Variants in CTNND2 observed in about 807,000 individuals in gnomAD.
CTNND2 encodes catenin delta-2.
Under a neutral mutation model 144.4 loss-of-function variants are expected in CTNND2, and 22 were observed. The observed-to-expected ratio is 0.15, with a 90% CI of 0.11 to 0.22. The LOEUF (loss-of-function observed/expected upper bound fraction) is 0.22, where lower values mean the gene tolerates loss of function less well. Ranked by LOEUF, CTNND2 falls within the 10% of genes least tolerant of loss-of-function variation. CTNND2 has a pLI of 1.00. For missense variants in CTNND2, 1,353 were observed against 1,618.8 expected (o/e 0.84, Z 2.82); for synonymous variants, 751 against 695.6 (o/e 1.08, Z -1.25).
chr5:10,989,401 C>T (rs1211121385), intron 19 of CTNND2, among the ~76,000 whole-genome samples: 2 of 152,204 alleles, frequency 1.3e-5, no homozygotes, highest in Non-Finnish European at 2.9e-5. Flanking sequence ...CAGAGCCCAT[C>T]CTGGACCTTT....
At chr5:11,084,035 A>G in intron 15 of CTNND2, 1 of 804,560 alleles carries the variant, frequency 1.2e-6, no homozygotes, top group Non-Finnish European at 1.5e-6. Context: ...TCTTATCACC[A>G]TCAACCCACA....
At chr5:11,610,707 C>A (rs1780275592) in intron 2 of CTNND2, among the ~76,000 whole-genome samples, 1 of 152,158 alleles carries the variant, frequency 6.6e-6, no homozygotes, top group African/African-American at 2.4e-5. Flanking sequence ...CCAGAGAGTT[C>A]TATTTATCTC....
intron 9 of CTNND2, among the ~76,000 whole-genome samples, chr5:11,342,743 C>T (rs973610558): frequency 7.9e-5 from 12 of 151,902 alleles, no homozygotes; most frequent in African/African-American, 2.7e-4. Context: ...TGTTTTTTTC[C>T]ATTTGTTTCA....
intron 9 of CTNND2, among the ~76,000 whole-genome samples, chr5:11,300,011 G>A (rs148909237): frequency 1.9e-3 from 287 of 152,278 alleles, no homozygotes; most frequent in African/African-American, 6.7e-3. Context: ...AAAGAAATGG[G>A]CAGCTTTCAG....
chr5:11,557,880 A>C (rs1776357605), intron 3 of CTNND2, among the ~76,000 whole-genome samples: 2 of 152,202 alleles, frequency 1.3e-5, no homozygotes, highest in Admixed American at 6.5e-5. Context: ...TTGAAGAGAC[A>C]TACACATTTG....
At chr5:11,771,526 GT>G (rs1267833446) in intron 1 of CTNND2, among the ~76,000 whole-genome samples, 6 of 151,996 alleles carry the variant, frequency 3.9e-5, no homozygotes, top group East Asian at 1.9e-4. Context: ...ATGTTAAAGG[GT>G]TTTTTTAAAT....
At chr5:11,694,051 C>T (rs1220622538) in intron 2 of CTNND2, among the ~76,000 whole-genome samples, 1 of 152,184 alleles carries the variant, frequency 6.6e-6, no homozygotes, top group Non-Finnish European at 1.5e-5. Context: ...CTCCGTAGGG[C>T]ACACTGCAGC....
intron 9 of CTNND2, among the ~76,000 whole-genome samples, chr5:11,241,990 G>A (rs1020016092): frequency 6.6e-6 from 1 of 152,034 alleles, no homozygotes; most frequent in Non-Finnish European, 1.5e-5. Flanking sequence ...TGGCTCTGAA[G>A]GGGATGGGGG....
chr5:11,233,751 T>C lies in CTNND2; in HGVS notation c.1761+2940A>G, dbSNP rs528036386. On this transcript the variant is annotated intron_variant, in intron 10 of 21. Coordinates refer to ENST00000304623, the MANE Select transcript of CTNND2 (RefSeq NM_001332.4). The stretch of plus-strand genomic sequence containing the variant: ...GTGTGTGTGTGTGTGTGTGTGTATG[T>C]GTATATGCACATATGCACGCCTCCC... 8.1e-4 allele frequency among the ~76,000 whole-genome samples: 123 copies of C among 152,176 alleles called. 1 individual carries two copies. The highest frequency in any genetic ancestry group is 3.4e-3 in the Middle Eastern group (1 of 294).
At chr5:11,447,244 G>T (rs1199586408) in intron 3 of CTNND2, among the ~76,000 whole-genome samples, 1 of 151,806 alleles carries the variant, frequency 6.6e-6, no homozygotes, top group African/African-American at 2.4e-5. Flanking sequence ...TGGGAGGAAG[G>T]GGCAGGAGAA....
intron 3 of CTNND2, among the ~76,000 whole-genome samples, chr5:11,471,932 T>G (rs1767269692): frequency 6.6e-6 from 1 of 152,256 alleles, no homozygotes; most frequent in African/African-American, 2.4e-5. Context: ...TGGCTTCATT[T>G]TGTTTTTAAC....
chr5:11,094,480 C>CTTTT (rs35048441), intron 15 of CTNND2, among the ~76,000 whole-genome samples: 4 of 127,874 alleles, frequency 3.1e-5, no homozygotes, highest in Admixed American at 8.0e-5. Flanking sequence ...AGAGTTCTTG[C>CTTTT]TTTTTTTTTT....
At chr5:11,765,423 G>T (rs1174416531) in intron 1 of CTNND2, among the ~76,000 whole-genome samples, 1 of 152,106 alleles carries the variant, frequency 6.6e-6, no homozygotes, top group Non-Finnish European at 1.5e-5. Flanking sequence ...GAGAAGGGGA[G>T]CAAAGACCAG....
intron 1 of CTNND2, among the ~76,000 whole-genome samples, chr5:11,754,503 C>T (rs1365808053): frequency 1.3e-5 from 2 of 151,086 alleles, no homozygotes; most frequent in Non-Finnish European, 3.0e-5. Flanking sequence ...AGTTGAGGTC[C>T]CAAATAACTT....
chr5:11,119,089 T>C (rs1354796917), intron 12 of CTNND2, among the ~76,000 whole-genome samples: 1 of 152,148 alleles, frequency 6.6e-6, no homozygotes, highest in African/African-American at 2.4e-5. Flanking sequence ...CATGTCAGTC[T>C]TACGTCTCTA....
intron 3 of CTNND2, among the ~76,000 whole-genome samples, chr5:11,431,207 G>A (rs1393578283): frequency 2.0e-5 from 3 of 152,012 alleles, no homozygotes; most frequent in Non-Finnish European, 4.4e-5. Context: ...GGTATTCTAC[G>A]ACTTAAGGTG....
chr5:10,994,088 A>G (rs1490039648), intron 18 of CTNND2, among the ~76,000 whole-genome samples: 1 of 150,754 alleles, frequency 6.6e-6, no homozygotes, highest in Non-Finnish European at 1.5e-5. Flanking sequence ...TCTGCATTCT[A>G]CAGGAAGAAT....
At position 11,188,213 on chromosome 5, in the gene CTNND2, C is replaced by G. The variant is rs61751820; in HGVS notation, c.1975+11235G>C. On this transcript the variant is annotated intron_variant, in intron 11 of 21. Coordinates refer to ENST00000304623, the MANE Select transcript of CTNND2 (RefSeq NM_001332.4). Reference sequence around the variant, plus strand: ...ACATGAAATCAACTCAAATGCCCATCAGTGATAGACTGGATAAAGAAAATG... The same window carrying G: ...ACATGAAATCAACTCAAATGCCCATGAGTGATAGACTGGATAAAGAAAATG... Among the ~76,000 whole-genome samples the G allele has an allele frequency of 6.5e-3, 994 of 152,244 alleles. 12 individuals carry two copies. The highest frequency in any genetic ancestry group is 0.022 in the African/African-American group (914 of 41,526).
At chr5:11,500,150 C>A (rs1359578268) in intron 3 of CTNND2, among the ~76,000 whole-genome samples, 2 of 152,094 alleles carry the variant, frequency 1.3e-5, no homozygotes, top group African/African-American at 4.8e-5. Context: ...AAGAAACAGA[C>A]CTTTCCTGTA....
Sources: allele counts gnomAD v4.1 joint callset (sites outside exome capture counted in the v4.1 genomes callset), GRCh38; gene constraint gnomAD v4.1.1; transcripts MANE v1.5; gene names NCBI Gene and HGNC (gene_info 2026-07-23, HGNC 2026-07-21).